Variants in CRIM1 observed in about 807,000 individuals in gnomAD.
CRIM1 encodes the protein cysteine rich transmembrane BMP regulator 1, also known as cysteine-rich motor neuron 1 protein.
A neutral mutation model predicts 116.4 loss-of-function variants in CRIM1; 32 were observed. The ratio of observed to expected loss-of-function variants is 0.27; its 90% confidence interval spans 0.21 to 0.37. The LOEUF (loss-of-function observed/expected upper bound fraction) is 0.37. CRIM1 is among the 10% of genes least tolerant of loss of function. The probability of loss-of-function intolerance (pLI) is 1.00; values close to 1 mark genes in which losing one functional copy is unlikely to be tolerated. For synonymous variants in CRIM1, 590 were observed against 509.2 expected, an observed-to-expected ratio of 1.16 and a Z score of -2.13; for missense variants, 1,331 against 1,354.8, an observed-to-expected ratio of 0.98 and a Z score of 0.28.
chr2:36,499,628 G>A (rs867476976), intron 8 of CRIM1, among the ~76,000 whole-genome samples: 3 of 152,020 alleles, frequency 2.0e-5, no homozygotes, highest in Admixed American at 6.5e-5. Flanking sequence ...CACCCAGAAC[G>A]CTCTCCCTTT....
At chr2:36,544,821 T>C (rs1484837927) in intron 15 of CRIM1, among the ~76,000 whole-genome samples, 1 of 152,178 alleles carries the variant, frequency 6.6e-6, no homozygotes, top group East Asian at 1.9e-4. Context: ...CTCAAACGTA[T>C]GTATATATAA....
chr2:36,367,245 A>G (rs779410988), intron 1 of CRIM1, among the ~76,000 whole-genome samples: 5 of 152,204 alleles, frequency 3.3e-5, no homozygotes, highest in African/African-American at 7.2e-5. Context: ...ACCACTACCT[A>G]TCACATCAAA....
At chr2:36,432,793 A>C (rs1316166297) in intron 2 of CRIM1, among the ~76,000 whole-genome samples, 1 of 151,856 alleles carries the variant, frequency 6.6e-6, no homozygotes, top group Non-Finnish European at 1.5e-5. Flanking sequence ...GGAACTGTAA[A>C]AAAAAATATA....
intron 2 of CRIM1, among the ~76,000 whole-genome samples, chr2:36,435,088 A>G (rs759255162): frequency 8.5e-5 from 13 of 152,102 alleles, no homozygotes; most frequent in Non-Finnish European, 1.6e-4. Flanking sequence ...TCCCTGTGCT[A>G]CTGAGTGACC....
chr2:36,445,377 T>A (rs986110052), intron 4 of CRIM1, among the ~76,000 whole-genome samples: 5 of 152,148 alleles, frequency 3.3e-5, no homozygotes, highest in African/African-American at 1.2e-4. Flanking sequence ...CCATCTCTTT[T>A]CATATTGCTC....
intron 1 of CRIM1, among the ~76,000 whole-genome samples, chr2:36,361,013 CAAGG>C (rs1230150593): frequency 6.6e-6 from 1 of 152,064 alleles, no homozygotes; most frequent in African/African-American, 2.4e-5. Context: ...ACGAAGTAAA[CAAGG>C]AAATAATTAG....
chr2:36,376,125 A>C (rs182771535), intron 1 of CRIM1, among the ~76,000 whole-genome samples: 13 of 152,200 alleles, frequency 8.5e-5, no homozygotes, highest in Non-Finnish European at 1.5e-4. Context: ...TAGGGCCTGT[A>C]GCTCCTGTTG....
At chr2:36,447,351 C>T (rs1326788007) in intron 4 of CRIM1, among the ~76,000 whole-genome samples, 2 of 152,140 alleles carry the variant, frequency 1.3e-5, no homozygotes, top group Non-Finnish European at 2.9e-5. Context: ...TTATATCTCA[C>T]CAACACATTT....
chr2:36,437,800 G>A (rs189347858), intron 2 of CRIM1, among the ~76,000 whole-genome samples: 4 of 152,096 alleles, frequency 2.6e-5, no homozygotes, highest in African/African-American at 7.2e-5. Context: ...AACACACGTC[G>A]AGAGGTGACA....
chr2:36,449,706 G>A (rs924958040), intron 4 of CRIM1, among the ~76,000 whole-genome samples: 5 of 152,104 alleles, frequency 3.3e-5, no homozygotes, highest in Admixed American at 2.0e-4. Context: ...AACCCAAGCC[G>A]CTAGCGACAG....
rs778949121 is a variant in CRIM1, at chr2:36,476,844, A to G, written c.992-45A>G. ...TTGAAAAACATCAAAGGACACAACTAAAAAATGACTACAAATATGCCTTGT... is the reference window on the plus strand; with the variant it reads ...TTGAAAAACATCAAAGGACACAACTGAAAAATGACTACAAATATGCCTTGT... On this transcript the variant is annotated intron_variant, in intron 5 of 16. Coordinates refer to ENST00000280527, the MANE Select transcript of CRIM1 (RefSeq NM_016441.3). 3.3e-6 allele frequency: 5 copies of G among 1,517,690 alleles called. No individual in the cohort carries two copies. The African/African-American group carries it at 4.2e-5, about 13-fold the overall frequency. The allele number at this position is 1,517,690 out of a possible 1,614,324, so 94.0% of individuals were successfully genotyped here.
At position 36,520,581 on chromosome 2, in the gene CRIM1, C is replaced by T. The variant is rs190947174; in HGVS notation, c.2207-1511C>T. ...AATAGGACCTAGAGTACCATGGAGC[C>T]GTGGAACCAATGGCTGTTCTTCAAC... On this transcript the variant is annotated intron_variant, in intron 12 of 16. Transcript: ENST00000280527. 1.6e-3 allele frequency among the ~76,000 whole-genome samples: 247 copies of T among 152,254 alleles called. 2 individuals are homozygous for T. The highest frequency in any genetic ancestry group is 5.6e-3 in the African/African-American group (233 of 41,538).
At chr2:36,523,684 G>A (rs1015004037) in intron 13 of CRIM1, among the ~76,000 whole-genome samples, 1 of 152,216 alleles carries the variant, frequency 6.6e-6, no homozygotes, top group Non-Finnish European at 1.5e-5. Flanking sequence ...CACATTTATT[G>A]TTGGGGATTT....
intron 4 of CRIM1, among the ~76,000 whole-genome samples, chr2:36,460,755 A>T (rs1677518711): frequency 6.6e-6 from 1 of 152,176 alleles, no homozygotes; most frequent in African/African-American, 2.4e-5. Context: ...CATTTATATG[A>T]CTAGACATGA....
At chr2:36,421,941 GA>G (rs1221208300) in intron 2 of CRIM1, among the ~76,000 whole-genome samples, 1 of 151,948 alleles carries the variant, frequency 6.6e-6, no homozygotes, top group African/African-American at 2.4e-5. Flanking sequence ...AAGGCATATG[GA>G]GTCATACCTG....
intron 4 of CRIM1, among the ~76,000 whole-genome samples, chr2:36,459,187 T>G (rs2124993226): frequency 6.6e-6 from 1 of 152,272 alleles, no homozygotes; most frequent in African/African-American, 2.4e-5. Context: ...CAAATTCCCA[T>G]CAGCAGACTC....
chr2:36,544,945 A>G (rs928079029), intron 15 of CRIM1, among the ~76,000 whole-genome samples: 2 of 152,212 alleles, frequency 1.3e-5, no homozygotes, highest in Non-Finnish European at 2.9e-5. Flanking sequence ...CATGTGAGCT[A>G]AACTTATCAC....
At chr2:36,357,783 C>G (rs1030662897) in intron 1 of CRIM1, among the ~76,000 whole-genome samples, 1 of 152,136 alleles carries the variant, frequency 6.6e-6, no homozygotes, top group Non-Finnish European at 1.5e-5. Flanking sequence ...CGCCCTCTGC[C>G]CGGCGTGCCT....
chr2:36,417,402 A>G lies in CRIM1; in HGVS notation c.505+20615A>G, dbSNP rs549247709. Among the ~76,000 whole-genome samples the G allele has an allele frequency of 6.6e-5, 10 of 152,316 alleles. No homozygotes were observed. In the East Asian group the frequency reaches 1.7e-3, roughly 26 times the overall value. On this transcript the variant is annotated intron_variant, in intron 2 of 16. Transcript: ENST00000280527. ...TTTTACTCACCTGTTTACCAATTTA[A>G]CAAAGCTAAGGTGGTTCATGGCAGT...
Sources: allele counts gnomAD v4.1 joint callset (sites outside exome capture counted in the v4.1 genomes callset), GRCh38; gene constraint gnomAD v4.1.1; transcripts MANE v1.5; gene names NCBI Gene and HGNC (gene_info 2026-07-23, HGNC 2026-07-21).